CTNND2: variants seen among roughly 807,000 people sequenced by gnomAD.
CTNND2 encodes the protein catenin delta 2.
A neutral mutation model predicts 144.4 loss-of-function variants in CTNND2; 22 were observed. The ratio of observed to expected loss-of-function variants is 0.15; its 90% CI spans 0.11 to 0.22. The LOEUF (loss-of-function observed/expected upper bound fraction) is 0.22, where lower values mean the gene tolerates loss of function less well. Among genes scored for constraint, CTNND2 ranks in the 10% least tolerant of loss-of-function variants. The pLI, the probability that CTNND2 is intolerant of heterozygous loss-of-function variation, is 1.00. For synonymous variants in CTNND2, 751 were observed against 695.6 expected (o/e 1.08, Z -1.25); for missense variants, 1,353 against 1,618.8 (o/e 0.84, Z 2.82).
At chr5:11,187,827 A>G (rs750716494) in intron 11 of CTNND2, among the ~76,000 whole-genome samples, 3 of 152,258 alleles carry the variant, frequency 2.0e-5, no homozygotes, top group African/African-American at 4.8e-5. Context: ...GAAGACATTC[A>G]TGCAGCCAAC....
At chr5:11,823,727 T>C (rs909036899) in intron 1 of CTNND2, among the ~76,000 whole-genome samples, 4 of 152,182 alleles carry the variant, frequency 2.6e-5, no homozygotes, top group African/African-American at 9.7e-5. Context: ...GGTAATATCA[T>C]ATTGTACAGT....
chr5:11,754,662 G>C (rs1297118451), intron 1 of CTNND2, among the ~76,000 whole-genome samples: 1 of 151,762 alleles, frequency 6.6e-6, no homozygotes, highest in Non-Finnish European at 1.5e-5. Context: ...TATACATACA[G>C]GATAGCTATG....
chr5:11,629,343 A>C (rs970696871), intron 2 of CTNND2, among the ~76,000 whole-genome samples: 6 of 152,182 alleles, frequency 3.9e-5, no homozygotes, highest in African/African-American at 1.4e-4. Flanking sequence ...AGGAGGTAGA[A>C]CAGATCTATC....
intron 7 of CTNND2, among the ~76,000 whole-genome samples, 200 bp from the exon 8 acceptor site, chr5:11,365,090 T>C (rs1425110692): frequency 6.6e-6 from 1 of 152,228 alleles, no homozygotes. Context: ...CGACCAAACA[T>C]GATCTCACTC....
At chr5:11,350,195 C>T (rs1381722233) in intron 8 of CTNND2, among the ~76,000 whole-genome samples, 1 of 151,988 alleles carries the variant, frequency 6.6e-6, no homozygotes, top group African/African-American at 2.4e-5. Flanking sequence ...GGTGGGTTCC[C>T]CCTTTAAATA....
At chr5:11,388,380 T>C (rs547595031) in intron 6 of CTNND2, among the ~76,000 whole-genome samples, 1 of 152,328 alleles carries the variant, frequency 6.6e-6, no homozygotes, top group East Asian at 1.9e-4. Flanking sequence ...ATGGGCTGAT[T>C]GACAGCTTGA....
At chr5:11,655,508 A>C (rs1163401787) in intron 2 of CTNND2, among the ~76,000 whole-genome samples, 2 of 152,124 alleles carry the variant, frequency 1.3e-5, no homozygotes, top group Non-Finnish European at 2.9e-5. Context: ...AGGATTGAAA[A>C]GAAACTCATT....
chr5:11,250,211 G>C (rs557504684), intron 9 of CTNND2, among the ~76,000 whole-genome samples: 2 of 152,080 alleles, frequency 1.3e-5, no homozygotes, highest in East Asian at 3.9e-4. Context: ...CCCAACTATA[G>C]GTCATTGTCT....
chr5:11,547,042 G>A (rs1189217778), intron 3 of CTNND2, among the ~76,000 whole-genome samples: 1 of 152,100 alleles, frequency 6.6e-6, no homozygotes, highest in Admixed American at 6.6e-5. Context: ...GCCGAAGTGG[G>A]TGGATCACCT....
chr5:11,053,613 G>C (rs916747891), intron 16 of CTNND2, among the ~76,000 whole-genome samples: 4 of 152,174 alleles, frequency 2.6e-5, no homozygotes, highest in African/African-American at 9.7e-5. Flanking sequence ...TATGTGCATG[G>C]GGCCACAAAA....
chr5:11,689,229 T>C (rs1315324397), intron 2 of CTNND2, among the ~76,000 whole-genome samples: 1 of 152,220 alleles, frequency 6.6e-6, no homozygotes, highest in Non-Finnish European at 1.5e-5. Context: ...TTTTTTGTTT[T>C]CTTACTTCTG....
rs573277867 is a variant in CTNND2, at chr5:11,445,285, T to C, written c.288-33216A>G. ...GTGTGTCCAGGTGTCCAGACCTCCA[T>C]CTTCTTATAAGGATATTAGTCATAT... is the stretch of plus-strand genomic sequence containing the variant. On this transcript the variant is annotated intron_variant, in intron 3 of 21. Transcript: ENST00000304623. Among the ~76,000 whole-genome samples the C allele has an allele frequency of 3.1e-3, 473 of 152,286 alleles. 1 individual carries two copies. Among genetic ancestry groups the C allele is most frequent in the Non-Finnish European group, 5.4e-3 (365 of 68,024 alleles).
chr5:11,829,896 C>T (rs1050208183), intron 1 of CTNND2, among the ~76,000 whole-genome samples: 15 of 152,206 alleles, frequency 9.9e-5, no homozygotes, highest in African/African-American at 3.1e-4. Context: ...CTGTACCCTG[C>T]AAAGCCACAG....
chr5:11,543,725 G>C (rs1282388522), intron 3 of CTNND2, among the ~76,000 whole-genome samples: 1 of 151,840 alleles, frequency 6.6e-6, no homozygotes, highest in African/African-American at 2.4e-5. Flanking sequence ...AAACATAAAG[G>C]AGATTCATAG....
In CTNND2 at chr5:11,000,487, C is replaced by G. The variant is rs1739836548; in HGVS notation, c.3085-7810G>C. On this transcript the variant is annotated intron_variant, in intron 18 of 21. Coordinates refer to ENST00000304623, the MANE Select transcript of CTNND2 (RefSeq NM_001332.4). ...AGTGAGCCGAGATTGTGCCACTGCA[C>G]TCCAGCCTGGGTGAAAGAATGAAAC... Among the ~76,000 whole-genome samples, 3 of 152,178 alleles carry G rather than the reference C, an allele frequency of 2.0e-5. No homozygotes were observed. The South Asian group carries it at 6.2e-4, about 32-fold the overall frequency.
chr5:11,176,996 C>T (rs114094513), intron 11 of CTNND2, among the ~76,000 whole-genome samples: 2,262 of 152,244 alleles, frequency 0.015, 57 homozygotes, highest in African/African-American at 0.052. Context: ...ATATAAGTTT[C>T]TTACATAAAC....
chr5:11,770,506 T>C (rs144046440), intron 1 of CTNND2, among the ~76,000 whole-genome samples: 64 of 151,862 alleles, frequency 4.2e-4, no homozygotes, highest in African/African-American at 1.5e-3. Context: ...TTCAATATGA[T>C]GGATATATTT....
At chr5:11,497,479 A>G (rs529346683) in intron 3 of CTNND2, among the ~76,000 whole-genome samples, 1 of 114,528 alleles carries the variant, frequency 8.7e-6, no homozygotes, top group African/African-American at 3.4e-5. Context: ...CAGGAATGAT[A>G]TGTTGACATC....
chr5:11,835,952 A>G (rs1483877631), intron 1 of CTNND2, among the ~76,000 whole-genome samples: 1 of 152,056 alleles, frequency 6.6e-6, no homozygotes, highest in Non-Finnish European at 1.5e-5. Context: ...GCATGCATTT[A>G]GTGCTATACA....
Sources: allele counts gnomAD v4.1 joint callset (sites outside exome capture counted in the v4.1 genomes callset), GRCh38; gene constraint gnomAD v4.1.1; transcripts MANE v1.5; gene names NCBI Gene and HGNC (gene_info 2026-07-23, HGNC 2026-07-21).